Variants in SLC4A4 observed in about 807,000 individuals in gnomAD.
The protein encoded by SLC4A4 is solute carrier family 4 member 4, also known as electrogenic sodium bicarbonate cotransporter 1.
Under a neutral mutation model 111.5 loss-of-function variants are expected in SLC4A4, and 27 were observed. The ratio of observed to expected loss-of-function variants is 0.24; its 90% CI spans 0.18 to 0.33. SLC4A4 has a LOEUF of 0.33. Among genes scored for constraint, SLC4A4 ranks in the 10% least tolerant of loss-of-function variants. SLC4A4 has a pLI of 1.00. For missense variants in SLC4A4, 909 were observed against 1,315.5 expected, an observed-to-expected ratio of 0.69 and a Z score of 4.78; for synonymous variants, 443 against 463.4, an observed-to-expected ratio of 0.96 and a Z score of 0.57.
intron 3 of SLC4A4, among the ~76,000 whole-genome samples, chr4:71,326,030 G>A (rs770407856): frequency 5.9e-5 from 9 of 151,790 alleles, no homozygotes; most frequent in Non-Finnish European, 1.3e-4. Context: ...GAGTGTTACA[G>A]TGGTCTGGTA....
At chr4:71,162,927 C>G (rs1744649160) in intron 2 of SLC4A4, among the ~76,000 whole-genome samples, 1 of 152,122 alleles carries the variant, frequency 6.6e-6, no homozygotes, top group South Asian at 2.1e-4. Flanking sequence ...TTCTTTTTCA[C>G]TAGAACCATG....
At chr4:71,511,107 G>A (rs1444262934) in intron 16 of SLC4A4, among the ~76,000 whole-genome samples, 1 of 151,948 alleles carries the variant, frequency 6.6e-6, no homozygotes, top group Non-Finnish European at 1.5e-5. Flanking sequence ...ATTTTAAATA[G>A]TTTTGTCTTT....
intron 7 of SLC4A4, among the ~76,000 whole-genome samples, chr4:71,423,903 G>T (rs1722812562): frequency 6.6e-6 from 1 of 152,094 alleles, no homozygotes. Flanking sequence ...AGAACGCCTA[G>T]GCATTACCAT....
intron 3 of SLC4A4, among the ~76,000 whole-genome samples, chr4:71,295,491 T>C (rs1054879250): frequency 1.3e-5 from 2 of 152,222 alleles, no homozygotes; most frequent in Admixed American, 6.5e-5. Flanking sequence ...TTCCTTTTCA[T>C]AATTCTTCAA....
intron 7 of SLC4A4, among the ~76,000 whole-genome samples, chr4:71,435,756 A>G (rs1179400969): frequency 1.3e-5 from 2 of 152,282 alleles, no homozygotes; most frequent in African/African-American, 4.8e-5. Context: ...AAAGGATATG[A>G]GCAGACACTT....
At chr4:71,224,851 A>G (rs1338728927) in intron 1 of SLC4A4, among the ~76,000 whole-genome samples, 1 of 152,216 alleles carries the variant, frequency 6.6e-6, no homozygotes, top group Non-Finnish European at 1.5e-5. Flanking sequence ...GTGGACTGCT[A>G]AATTAGTCTG....
intron 14 of SLC4A4, chr4:71,473,178 G>C (rs1560539294): frequency 2.9e-6 from 2 of 697,942 alleles, no homozygotes; most frequent in East Asian, 5.4e-5. Flanking sequence ...AGGAGCTCTG[G>C]AATGTGAACA....
chr4:71,535,802 A>T (rs1734360341), intron 18 of SLC4A4, among the ~76,000 whole-genome samples: 1 of 152,060 alleles, frequency 6.6e-6, no homozygotes, highest in South Asian at 2.1e-4. Context: ...GGCAGTTCAT[A>T]AAGCACGAAA....
chr4:71,404,031 G>C (rs1720615579), intron 7 of SLC4A4, among the ~76,000 whole-genome samples: 1 of 152,094 alleles, frequency 6.6e-6, no homozygotes, highest in African/African-American at 2.4e-5. Context: ...GAAAGAAAAA[G>C]AGTTTCCCAG....
chr4:71,337,415 T>A (rs1215385019), intron 3 of SLC4A4, among the ~76,000 whole-genome samples: 1 of 152,156 alleles, frequency 6.6e-6, no homozygotes, highest in Non-Finnish European at 1.5e-5. Flanking sequence ...GTCAAAAAAG[T>A]CCAGCTATTT....
At chr4:71,445,319 G>GT (rs1040510617) in intron 8 of SLC4A4, among the ~76,000 whole-genome samples, 1 of 152,082 alleles carries the variant, frequency 6.6e-6, no homozygotes, top group African/African-American at 2.4e-5. Flanking sequence ...GACTGAGAAT[G>GT]TTTTTTCACT....
intron 7 of SLC4A4, among the ~76,000 whole-genome samples, chr4:71,398,041 T>A (rs983170625): frequency 3.3e-5 from 5 of 152,064 alleles, no homozygotes; most frequent in African/African-American, 1.2e-4. Flanking sequence ...ATCACAGCAC[T>A]TTGGGAGGCT....
intron 24 of SLC4A4, among the ~76,000 whole-genome samples, chr4:71,566,446 G>T (rs951574343): frequency 6.6e-6 from 1 of 151,490 alleles, no homozygotes; most frequent in African/African-American, 2.4e-5. Flanking sequence ...TGTGCCATTT[G>T]CCCTTCATCC....
At chr4:71,343,586 A>G (rs992096551) in intron 4 of SLC4A4, among the ~76,000 whole-genome samples, 1 of 152,188 alleles carries the variant, frequency 6.6e-6, no homozygotes, top group African/African-American at 2.4e-5. Flanking sequence ...GTCTTTCTCT[A>G]CACCCAATAT....
rs530592644 is a variant in SLC4A4 at position 71,549,302 on chromosome 4, A to G, written c.2694+1582A>G. Among the ~76,000 whole-genome samples, 10 of 151,996 alleles carry G rather than the reference A, an allele frequency of 6.6e-5. No individual in the cohort carries two copies. The South Asian group carries it at 2.1e-3, about 31-fold the overall frequency. ...CAGCACATCAGCTGGTGGAAAGCCT[A>G]ATGACAGTGTTACCTTTTAGGCAAT... On this transcript the variant is annotated intron_variant, in intron 20 of 25. Transcript: ENST00000264485.
At chr4:71,381,949 G>A (rs899465870) in intron 6 of SLC4A4, among the ~76,000 whole-genome samples, 7 of 152,172 alleles carry the variant, frequency 4.6e-5, no homozygotes, top group Admixed American at 6.5e-5. Context: ...GAATGAGAAC[G>A]TAGAGACCGT....
intron 8 of SLC4A4, among the ~76,000 whole-genome samples, chr4:71,444,137 G>A (rs1308155216): frequency 3.9e-5 from 6 of 152,180 alleles, no homozygotes; most frequent in African/African-American, 4.8e-5. Context: ...CAGGAAAGAG[G>A]GGGGTGCATA....
At chr4:71,171,382 T>G (rs962585356) in intron 2 of SLC4A4, among the ~76,000 whole-genome samples, 4 of 152,164 alleles carry the variant, frequency 2.6e-5, no homozygotes, top group African/African-American at 9.7e-5. Context: ...AGAAAGAGCA[T>G]AGGCCTAAGC....
At chr4:71,075,957 C>T (rs991860711) in intron 1 of SLC4A4, among the ~76,000 whole-genome samples, 1 of 140,194 alleles carries the variant, frequency 7.1e-6, no homozygotes, top group Non-Finnish European at 1.5e-5. Flanking sequence ...GACTCCATCT[C>T]TAAATAAATA....
Sources: gnomAD v4.1 joint callset for allele counts (sites outside exome capture counted in the v4.1 genomes callset) on GRCh38, gnomAD v4.1.1 for gene constraint, MANE v1.5 for transcripts, NCBI Gene and HGNC (gene_info 2026-07-23, HGNC 2026-07-21) for gene names.